NLRP14: variants seen among roughly 807,000 people sequenced by gnomAD.
NLRP14 encodes the protein NACHT, LRR and PYD domains-containing protein 14.
In NLRP14, 105 loss-of-function variants were observed where a neutral mutation model predicts 94.7. That is an observed-to-expected ratio of 1.11 (90% CI 0.95 to 1.30). NLRP14 has a LOEUF of 1.30. Ranked by LOEUF, NLRP14 falls within the 50% of genes most tolerant of loss-of-function variation. The pLI, the probability that NLRP14 is intolerant of heterozygous loss-of-function variation, is 0.00. For synonymous variants in NLRP14, 508 were observed against 459.9 expected, an observed-to-expected ratio of 1.10 and a Z score of -1.34; for missense variants, 1,362 against 1,254.1, an observed-to-expected ratio of 1.09 and a Z score of -1.30.
At chr11:7,024,960 AAT>A (rs1851995064) in intron 1 of NLRP14, among the ~76,000 whole-genome samples, 1 of 152,158 alleles carries the variant, frequency 6.6e-6, no homozygotes, top group Admixed American at 6.5e-5. Context: ...TATAAGACTT[AAT>A]ATGTAGACAC....
Position 7,038,637 on chromosome 11 carries a change from G to A in NLRP14, c.51G>A (p.Leu17=). The change falls in exon 2 of 12, where the codon TTG becomes TTA. Residue 17 remains leucine, a synonymous_variant. Coordinates refer to ENST00000299481, the MANE Select transcript of NLRP14 (RefSeq NM_176822.4). ...SSFFPDFGLL[L]YLEELNKEEL... The stretch of plus-strand genomic sequence containing the variant: ...TCTTTCCTGATTTTGGGCTGCTATT[G>A]TATTTGGAGGAGCTAAACAAAGAGG... 1 of 1,613,970 alleles carries A rather than the reference G, an allele frequency of 6.2e-7. No individual in the cohort carries two copies. The highest frequency in any genetic ancestry group is 8.5e-7 in the Non-Finnish European group (1 of 1,179,926).
chr11:7,043,913 G>A lies in NLRP14; in HGVS notation c.1887G>A (p.Arg629=). 2 of 1,614,134 alleles carry A rather than the reference G, an allele frequency of 1.2e-6. No homozygotes were observed. The highest frequency in any genetic ancestry group is 1.3e-5 in the African/African-American group (1 of 75,062). The change falls in exon 4 of 12, where the codon CGG becomes CGA. Residue 629 remains arginine, a synonymous_variant. Coordinates refer to ENST00000299481, the MANE Select transcript of NLRP14 (RefSeq NM_176822.4). Reference sequence around the variant, plus strand: ...GCCTTAAGCACTGCCGGTGTTTGCGGACCATCAGGCTGTCTGTAACTGTGG... The same window carrying A: ...GCCTTAAGCACTGCCGGTGTTTGCGAACCATCAGGCTGTCTGTAACTGTGG... ...SFCLKHCRCL[R]TIRLSVTVVF... is the part of the protein sequence containing the mutation.
chr11:7,024,528 A>G (rs529504902), intron 1 of NLRP14, among the ~76,000 whole-genome samples: 1 of 152,272 alleles, frequency 6.6e-6, no homozygotes, highest in African/African-American at 2.4e-5. Context: ...ATATCTTAGT[A>G]GTTCACTTGC....
chr11:7,026,066 G>A (rs756576606), intron 1 of NLRP14, among the ~76,000 whole-genome samples: 1 of 152,172 alleles, frequency 6.6e-6, no homozygotes, highest in Non-Finnish European at 1.5e-5. Flanking sequence ...ACTGATGAAT[G>A]TGTTTTTAAT....
At chr11:7,089,770 G>T in the NLRP14 span, 10 of 1,582,940 alleles carry the variant, frequency 6.3e-6, no homozygotes, top group South Asian at 9.0e-5. Context: ...TACTCGTCCA[G>T]AGACGGCTAC....
chr11:7,084,310 T>C, the NLRP14 span, among the ~76,000 whole-genome samples: 1 of 152,218 alleles, frequency 6.6e-6, no homozygotes. Flanking sequence ...TCGCAGTTAC[T>C]GACACAGGTC....
In NLRP14 at chr11:7,042,912, G is replaced by A. The variant is rs769388162; in HGVS notation, c.886G>A (p.Val296Met). Reference sequence around the variant, plus strand: ...CCTCATGAGTAGTTTGCTGAGGAAAGTGATGCTCCCTGAGGCATCCTTATT... The same window carrying A: ...CCTCATGAGTAGTTTGCTGAGGAAAATGATGCTCCCTGAGGCATCCTTATT... ...SFLMSSLLRK[V>M]MLPEASLLVT... Residue 296 changes from valine (V) to methionine (M), a missense_variant, in exon 4 of 12, where the codon GTG becomes ATG. Physicochemically the swap from Val to Met is conservative, Grantham distance 21. Transcript: ENST00000299481. The A allele has an allele frequency of 1.2e-6, 2 of 1,614,198 alleles. No individual in the cohort carries two copies. Among genetic ancestry groups the A allele is most frequent in the Admixed American group, 1.7e-5 (1 of 60,024 alleles).
rs117124176 is a variant in NLRP14, at chr11:7,062,379, T to G, written c.2851T>G (p.Ser951Ala). 6.2e-7 allele frequency: 1 copy of G among 1,613,158 alleles called. No homozygotes were observed. The highest frequency in any genetic ancestry group is 1.7e-5 in the Admixed American group (1 of 59,938). Residue 951 changes from serine to alanine, a missense_variant, in exon 10 of 12, where the codon TCT (serine) becomes GCT (alanine). Ser to Ala is a moderately conservative substitution (Grantham distance 99). Transcript: ENST00000299481. ...LTNACCLDLA[S>A]VILNNPNLRS... The stretch of plus-strand genomic sequence containing the variant: ...TAATGCATGTTGTCTGGATCTGGCT[T>G]CTGTTATTTTGAATAACCCAAACCT...
Position 7,043,449 on chromosome 11 carries a change from T to C in NLRP14, c.1423T>C (p.Cys475Arg). The C allele has an allele frequency of 6.2e-7, 1 of 1,614,192 alleles. No homozygotes were observed. The highest frequency in any genetic ancestry group is 8.5e-7 in the Non-Finnish European group (1 of 1,180,034). The change falls in exon 4 of 12, where the codon TGC becomes CGC. Residue 475 changes from cysteine (C) to arginine (R), a missense_variant. Physicochemically the swap from Cys to Arg is radical, Grantham distance 180. Transcript: ENST00000299481. The stretch of plus-strand genomic sequence containing the variant: ...TCAGAAGGACGCAGAGTATGAAAAC[T>C]GCTATGTGTTCACCCACCTTCATGT... ...IIQKDAEYENCYVFTHLHVQE... is the reference protein window; with the variant it reads ...IIQKDAEYENRYVFTHLHVQE...
chr11:7,067,457 T>G (rs992571319), intron 10 of NLRP14, among the ~76,000 whole-genome samples: 4 of 152,206 alleles, frequency 2.6e-5, no homozygotes, highest in African/African-American at 9.6e-5. Flanking sequence ...TTATTCTCTT[T>G]GTAGCAATTG....
intron 10 of NLRP14, among the ~76,000 whole-genome samples, chr11:7,069,489 T>A (rs4758157): frequency 0.62 from 93,649 of 152,038 alleles, 30,166 homozygotes; most frequent in East Asian, 0.93. Context: ...ATGGGTGGGT[T>A]GGCTAATTTA....
chr11:7,058,455 G>A lies in NLRP14; in HGVS notation c.2633+5G>A. On this transcript the variant is annotated splice_donor_5th_base_variant and intron_variant, in intron 8 of 11. Transcript: ENST00000299481. ...ATGTACTCTGAAGAGCCTTGTGTAA[G>A]TGTCTTCAAGTTTTTATCCTTAATA... 6.2e-7 allele frequency: 1 copy of A among 1,602,986 alleles called. No individual in the cohort carries two copies. The highest frequency in any genetic ancestry group is 2.2e-5 in the East Asian group (1 of 44,790).
At chr11:7,031,775 G>A (rs959482580) in intron 1 of NLRP14, among the ~76,000 whole-genome samples, 2 of 152,226 alleles carry the variant, frequency 1.3e-5, no homozygotes, top group African/African-American at 4.8e-5. Flanking sequence ...TACTGAAAAC[G>A]AAACAAACCG....
chr11:7,045,617 C>G (rs559362800), intron 4 of NLRP14, among the ~76,000 whole-genome samples: 1 of 151,962 alleles, frequency 6.6e-6, no homozygotes, highest in African/African-American at 2.4e-5. Flanking sequence ...AATTTAAGAC[C>G]TCAAGTGATA....
downstream of NLRP14, among the ~76,000 whole-genome samples, chr11:7,071,743 T>G (rs569259429): frequency 4.4e-4 from 66 of 150,950 alleles, no homozygotes; most frequent in Non-Finnish European, 8.8e-4. Context: ...TCAAGATCAC[T>G]TGGGTATCCG....
intron 1 of NLRP14, among the ~76,000 whole-genome samples, chr11:7,031,940 G>C (rs1254916900): frequency 6.6e-6 from 1 of 152,128 alleles, no homozygotes; most frequent in African/African-American, 2.4e-5. Context: ...AGCCTATAGT[G>C]CTTTAGTGCT....
chr11:7,090,271 A>G, the NLRP14 span: 3 of 1,605,196 alleles, frequency 1.9e-6, no homozygotes, highest in Non-Finnish European at 2.6e-6. Flanking sequence ...GGCCGCTTGG[A>G]GAGAGGAGGA....
intron 8 of NLRP14, among the ~76,000 whole-genome samples, chr11:7,059,549 CAA>C (rs1012768570): frequency 6.6e-6 from 1 of 151,952 alleles, no homozygotes; most frequent in Non-Finnish European, 1.5e-5. Flanking sequence ...CTATTACATA[CAA>C]AGAGTACTTA....
At chr11:7,055,515 G>A (rs1393750782) in intron 6 of NLRP14, among the ~76,000 whole-genome samples, 1 of 152,058 alleles carries the variant, frequency 6.6e-6, no homozygotes, top group Non-Finnish European at 1.5e-5. Context: ...TTGAGTTCCT[G>A]GGAGTTCATC....
Sources: gnomAD v4.1 joint callset for allele counts (sites outside exome capture counted in the v4.1 genomes callset) on GRCh38, gnomAD v4.1.1 for gene constraint, MANE v1.5 for transcripts, NCBI Gene and HGNC (gene_info 2026-07-23, HGNC 2026-07-21) for gene names.